The following PAK1 variants were observed in gnomAD, a reference collection of about 807,000 sequenced individuals.
The protein encoded by PAK1 is serine/threonine-protein kinase PAK 1.
PAK1 carries 29 observed loss-of-function variants against 67.4 expected under a neutral mutation model. The observed-to-expected ratio is 0.43, with a 90% CI of 0.32 to 0.59. PAK1 has a LOEUF of 0.59. Among genes scored for constraint, PAK1 ranks in the 20% least tolerant of loss-of-function variants. PAK1 has a pLI of 0.07. For synonymous variants in PAK1, 223 were observed against 237.4 expected (o/e 0.94, Z 0.56); for missense variants, 337 against 670.7 (o/e 0.50, Z 5.50).
chr11:77,523,550 G>A, the PAK1 span, among the ~76,000 whole-genome samples: 1 of 151,644 alleles, frequency 6.6e-6, no homozygotes, highest in Non-Finnish European at 1.5e-5. Context: ...CTCCCGAGTA[G>A]CTGGGACTAC....
At chr11:77,522,862 C>T in the PAK1 span, among the ~76,000 whole-genome samples, 2 of 152,280 alleles carry the variant, frequency 1.3e-5, no homozygotes, top group East Asian at 1.9e-4. Context: ...AAATGCCATA[C>T]ATATACACTA....
At chr11:77,490,180 C>T in the PAK1 span, among the ~76,000 whole-genome samples, 2 of 151,566 alleles carry the variant, frequency 1.3e-5, no homozygotes, top group African/African-American at 2.4e-5. Context: ...GCCTGGCAAC[C>T]GCCCCATCTG....
At chr11:77,348,809 T>TTTCATAA (rs1944807376) in intron 9 of PAK1, among the ~76,000 whole-genome samples, 1 of 152,198 alleles carries the variant, frequency 6.6e-6, no homozygotes, top group Non-Finnish European at 1.5e-5. Context: ...TATTTGGCTT[T>TTTCATAA]TGTATGCTAC....
intron 1 of PAK1, among the ~76,000 whole-genome samples, chr11:77,415,993 A>ATTATTG (rs1019624969): frequency 6.6e-6 from 1 of 150,996 alleles, no homozygotes; most frequent in African/African-American, 2.4e-5. Flanking sequence ...TATTATTATT[A>ATTATTG]TTAGAGACAG....
intron 8 of PAK1, among the ~76,000 whole-genome samples, chr11:77,352,353 C>A (rs1158085824): frequency 6.6e-6 from 1 of 152,090 alleles, no homozygotes; most frequent in East Asian, 1.9e-4. Context: ...AAAATAACAG[C>A]CAAACACTTT....
the PAK1 span, among the ~76,000 whole-genome samples, chr11:77,516,445 G>C: frequency 6.6e-6 from 1 of 152,104 alleles, no homozygotes; most frequent in African/African-American, 2.4e-5. Flanking sequence ...TCAAAGGGTT[G>C]TTATCAGAGT....
chr11:77,390,073 A>T (rs558581742), intron 2 of PAK1, among the ~76,000 whole-genome samples: 78 of 152,366 alleles, frequency 5.1e-4, no homozygotes, highest in African/African-American at 1.8e-3. Flanking sequence ...ACATATGTGG[A>T]AGAAGACTGC....
chr11:77,392,222 G>T lies in PAK1; in HGVS notation c.190+109C>A, dbSNP rs991219366. The T allele has an allele frequency of 6.4e-5, 51 of 799,756 alleles. No individual in the cohort carries two copies. In the African/African-American group the frequency reaches 7.7e-4, roughly 12 times the overall value. The allele number at this position is 799,756 out of a possible 1,614,324, so 49.5% of individuals were successfully genotyped here. A position where few individuals can be genotyped will look rare whatever the true frequency, so the allele number is the denominator to read the frequency against. On this transcript the variant is annotated intron_variant, in intron 2 of 14. Transcript: ENST00000356341. ...AGAAAGGGAAATATTTAACCAGAAA[G>T]AAAACATTAAAGGAAAATTAAGTCA...
At chr11:77,379,796 A>T in intron 3 of PAK1, 98 bp downstream of exon 3, 1 of 845,698 alleles carries the variant, frequency 1.2e-6, no homozygotes, top group Non-Finnish European at 1.9e-6. Flanking sequence ...GGTCTCAGGC[A>T]AAGATAGAAG....
At chr11:77,401,022 T>C (rs1007720985) in intron 1 of PAK1, among the ~76,000 whole-genome samples, 7 of 152,306 alleles carry the variant, frequency 4.6e-5, no homozygotes, top group East Asian at 1.9e-4. Context: ...CTGCTGACTC[T>C]AGAGGCAAAG....
chr11:77,490,650 G>A, the PAK1 span, among the ~76,000 whole-genome samples: 53 of 152,330 alleles, frequency 3.5e-4, no homozygotes, highest in African/African-American at 1.2e-3. Context: ...CATTGAGAAC[G>A]GGCCAGGATG....
At chr11:77,524,307 A>G in the PAK1 span, among the ~76,000 whole-genome samples, 1 of 152,080 alleles carries the variant, frequency 6.6e-6, no homozygotes, top group East Asian at 1.9e-4. Flanking sequence ...CATACTTTAA[A>G]TTTCAGCCAC....
chr11:77,391,992 G>A (rs1028822418), intron 2 of PAK1, among the ~76,000 whole-genome samples: 2 of 152,070 alleles, frequency 1.3e-5, no homozygotes, highest in East Asian at 1.9e-4. Flanking sequence ...TAACTCGGGG[G>A]GAAAAAAATT....
intron 14 of PAK1, chr11:77,325,349 T>C (rs1430182120): frequency 1.2e-6 from 2 of 1,613,668 alleles, no homozygotes; most frequent in Non-Finnish European, 8.5e-7. Flanking sequence ...GAAAAGTTAC[T>C]AAACACTTGA....
In PAK1 at chr11:77,359,003, C is replaced by G. The variant is rs757532630; in HGVS notation, c.492G>C (p.Val164=). The G allele has an allele frequency of 1.2e-6, 2 of 1,613,144 alleles. No homozygotes were observed. Among genetic ancestry groups the G allele is most frequent in the East Asian group, 2.2e-5 (1 of 44,852 alleles). ...CTGGTGGCACTGCAGGAGTCTCAGA[C>G]ACAGCCTTCACATTCTGTGCAAAGA... ...NSSNALNVKA[V]SETPAVPPVS... The change falls in exon 6 of 15, where the codon GTG becomes GTC. Residue 164 remains valine (V), a synonymous_variant. Transcript: ENST00000356341.
At chr11:77,364,073 A>ATT (rs1947167811) in intron 5 of PAK1, among the ~76,000 whole-genome samples, 1 of 152,260 alleles carries the variant, frequency 6.6e-6, no homozygotes, top group Non-Finnish European at 1.5e-5. Flanking sequence ...AGGGTCAACT[A>ATT]TTCAGCTCTA....
intron 1 of PAK1, among the ~76,000 whole-genome samples, chr11:77,420,140 A>G (rs1354281346): frequency 6.6e-6 from 1 of 152,206 alleles, no homozygotes; most frequent in Non-Finnish European, 1.5e-5. Flanking sequence ...AAGAGGCAGT[A>G]TTTGGGTTGG....
intron 14 of PAK1, among the ~76,000 whole-genome samples, chr11:77,326,188 G>A (rs151157812): frequency 2.0e-5 from 3 of 152,274 alleles, no homozygotes; most frequent in South Asian, 2.1e-4. Context: ...AAATGATGCG[G>A]CCTGCTAAAG....
chr11:77,479,602 C>CA (rs1359377573), upstream of PAK1, among the ~76,000 whole-genome samples: 2 of 80,538 alleles, frequency 2.5e-5, no homozygotes, highest in Non-Finnish European at 4.3e-5. Flanking sequence ...GAAAAATAAA[C>CA]TTTTTTTTTT....
Sources: gnomAD v4.1 joint callset for allele counts (sites outside exome capture counted in the v4.1 genomes callset) on GRCh38, gnomAD v4.1.1 for gene constraint, MANE v1.5 for transcripts, NCBI Gene and HGNC (gene_info 2026-07-23, HGNC 2026-07-21) for gene names.